The following NRXN3 variants were observed in gnomAD, a reference collection of about 807,000 sequenced individuals.
NRXN3 encodes the protein neurexin 3, also known as neurexin III.
NRXN3 carries 32 observed loss-of-function variants against 137.6 expected under a neutral mutation model. The ratio of observed to expected loss-of-function variants is 0.23; its 90% CI spans 0.18 to 0.31. NRXN3 has a LOEUF of 0.31. NRXN3 is among the 10% of genes least tolerant of loss of function. The pLI is 1.00. For synonymous variants in NRXN3, 798 were observed against 784.5 expected, an observed-to-expected ratio of 1.02 and a Z score of -0.29; for missense variants, 1,574 against 2,062.5, an observed-to-expected ratio of 0.76 and a Z score of 4.59.
At chr14:79,824,013 C>G (rs374215320) in intron 20 of NRXN3, 18 of 397,746 alleles carry the variant, frequency 4.5e-5, no homozygotes, top group East Asian at 2.2e-4. Flanking sequence ...AACCCAGGAA[C>G]ACAGATGGAA....
chr14:78,316,120 T>A (rs2078682340), intron 4 of NRXN3, among the ~76,000 whole-genome samples: 1 of 152,178 alleles, frequency 6.6e-6, no homozygotes, highest in Non-Finnish European at 1.5e-5. Flanking sequence ...TTTTGTGTCT[T>A]TGTGAGCAAG....
At chr14:79,111,786 C>T (rs1364186173) in intron 15 of NRXN3, among the ~76,000 whole-genome samples, 1 of 147,328 alleles carries the variant, frequency 6.8e-6, no homozygotes, top group East Asian at 2.0e-4. Flanking sequence ...CAGAACTTAA[C>T]AGGTCAATTT....
intron 2 of NRXN3, among the ~76,000 whole-genome samples, chr14:78,255,934 G>A (rs993389547): frequency 2.6e-5 from 4 of 152,134 alleles, no homozygotes; most frequent in East Asian, 1.9e-4. Context: ...AGGTCCAATC[G>A]GACCACACTG....
chr14:79,718,769 T>C (rs1190329145), intron 19 of NRXN3, among the ~76,000 whole-genome samples: 11 of 152,196 alleles, frequency 7.2e-5, no homozygotes, highest in Admixed American at 7.2e-4. Flanking sequence ...TTTTTTTTTA[T>C]TTTTTGGCTT....
intron 4 of NRXN3, among the ~76,000 whole-genome samples, chr14:78,545,255 G>A (rs2096626794): frequency 6.6e-6 from 1 of 152,176 alleles, no homozygotes; most frequent in Non-Finnish European, 1.5e-5. Flanking sequence ...GTTTCTGAGG[G>A]CAAGACCTAG....
intron 15 of NRXN3, among the ~76,000 whole-genome samples, chr14:79,428,239 C>G (rs938512394): frequency 1.4e-4 from 22 of 152,074 alleles, no homozygotes; most frequent in African/African-American, 5.3e-4. Flanking sequence ...TTTCAGGAGC[C>G]TGACAGAAAA....
intron 15 of NRXN3, among the ~76,000 whole-genome samples, chr14:79,167,622 G>A (rs1428372700): frequency 7.0e-6 from 1 of 142,564 alleles, no homozygotes; most frequent in Non-Finnish European, 1.6e-5. Context: ...TTCCTACCAG[G>A]TTTTGTTGTT....
Position 79,761,258 on chromosome 14 carries a change from G to A in NRXN3, c.4015-43854G>A, listed in dbSNP as rs534491924. On this transcript the variant is annotated intron_variant, in intron 19 of 20. Coordinates refer to ENST00000335750, the MANE Select transcript of NRXN3 (RefSeq NM_001330195.2). ...TTTGGCCTTCTGTATTGTATTATCTGATAAGGAAGCAGCGAACTTAAAGCT... is the reference window on the plus strand; with the variant it reads ...TTTGGCCTTCTGTATTGTATTATCTAATAAGGAAGCAGCGAACTTAAAGCT... Among the ~76,000 whole-genome samples the A allele has an allele frequency of 4.6e-5, 7 of 151,770 alleles. No individual in the cohort carries two copies. The South Asian group carries it at 6.2e-4, about 13-fold the overall frequency.
chr14:78,421,094 C>G (rs138807433), intron 4 of NRXN3, among the ~76,000 whole-genome samples: 2 of 152,196 alleles, frequency 1.3e-5, no homozygotes, highest in African/African-American at 2.4e-5. Flanking sequence ...GAAACCCTGT[C>G]TCTACTAAAA....
intron 16 of NRXN3, among the ~76,000 whole-genome samples, chr14:79,609,194 G>A (rs1443404324): frequency 2.0e-5 from 3 of 152,180 alleles, no homozygotes; most frequent in South Asian, 4.1e-4. Context: ...TCAAAAGAGT[G>A]ACCAGTAATG....
At chr14:78,346,679 A>G (rs766591903) in intron 4 of NRXN3, among the ~76,000 whole-genome samples, 12 of 152,140 alleles carry the variant, frequency 7.9e-5, no homozygotes, top group Non-Finnish European at 1.6e-4. Context: ...CTGTTACTGC[A>G]CTGTCTGCAC....
chr14:79,081,697 T>C (rs183458311), intron 15 of NRXN3, among the ~76,000 whole-genome samples: 112 of 151,896 alleles, frequency 7.4e-4, no homozygotes, highest in Non-Finnish European at 1.4e-3. Context: ...GATAAATTAC[T>C]ATACGGTACA....
intron 1 of NRXN3, among the ~76,000 whole-genome samples, chr14:78,195,883 T>C (rs963782602): frequency 6.6e-6 from 1 of 152,214 alleles, no homozygotes; most frequent in Non-Finnish European, 1.5e-5. Context: ...TGCATCATCT[T>C]ATGTAGTCCT....
intron 15 of NRXN3, among the ~76,000 whole-genome samples, chr14:79,006,199 G>A (rs543038849): frequency 6.2e-5 from 7 of 112,894 alleles, no homozygotes; most frequent in African/African-American, 3.9e-4. Context: ...CAGACAACAC[G>A]TGGCTGCATA....
At chr14:78,280,968 G>A (rs1044492510) in intron 3 of NRXN3, among the ~76,000 whole-genome samples, 1 of 152,204 alleles carries the variant, frequency 6.6e-6, no homozygotes, top group Non-Finnish European at 1.5e-5. Flanking sequence ...TAAATGATGT[G>A]TGACGGTCAC....
chr14:79,735,898 T>C (rs986622180), intron 19 of NRXN3, among the ~76,000 whole-genome samples: 3 of 152,198 alleles, frequency 2.0e-5, no homozygotes, highest in African/African-American at 7.2e-5. Flanking sequence ...TTCCTGTTGG[T>C]ATAGGAAAAA....
At chr14:78,873,292 C>T (rs1056296355) in intron 10 of NRXN3, among the ~76,000 whole-genome samples, 1 of 152,198 alleles carries the variant, frequency 6.6e-6, no homozygotes, top group Non-Finnish European at 1.5e-5. Flanking sequence ...TCTTTTGCTA[C>T]TGCGAACTAT....
Position 78,709,608 on chromosome 14 carries a change from A to G in NRXN3, c.1613A>G (p.Asn538Ser), listed in dbSNP as rs752319140. 5 of 1,613,760 alleles carry G rather than the reference A, an allele frequency of 3.1e-6. No individual in the cohort carries two copies. The highest frequency in any genetic ancestry group is 2.2e-5 in the South Asian group (2 of 91,078). ...IKVKATQKKA[N>S]DGEWYHVDIQ... ...GTGAAAGCCACTCAGAAGAAAGCCA[A>G]TGATGGGGAATGGTACCATGTGGAC... is the stretch of plus-strand genomic sequence containing the variant. The change falls in exon 7 of 21, where the codon AAT becomes AGT. Residue 538 changes from asparagine (N) to serine (S), a missense_variant. Transcript: ENST00000335750.
At chr14:79,062,005 G>T (rs1364203323) in intron 15 of NRXN3, among the ~76,000 whole-genome samples, 1 of 152,178 alleles carries the variant, frequency 6.6e-6, no homozygotes, top group Non-Finnish European at 1.5e-5. Context: ...GTAGGAAGCT[G>T]TTAGGAAATC....
Sources: allele counts gnomAD v4.1 joint callset (sites outside exome capture counted in the v4.1 genomes callset), GRCh38; gene constraint gnomAD v4.1.1; transcripts MANE v1.5; gene names NCBI Gene and HGNC (gene_info 2026-07-23, HGNC 2026-07-21).